The following CAMK2D variants were observed in gnomAD, a reference collection of about 807,000 sequenced individuals.
CAMK2D encodes the protein calcium/calmodulin-dependent protein kinase type II subunit delta.
In CAMK2D, 37 loss-of-function variants were observed where a neutral mutation model predicts 84.0. The ratio of observed to expected loss-of-function variants is 0.44; its 90% CI spans 0.34 to 0.58. The LOEUF is 0.58. Ranked by LOEUF, CAMK2D falls within the 20% of genes least tolerant of loss-of-function variation. The pLI, the probability that CAMK2D is intolerant of heterozygous loss-of-function variation, is 0.02. For synonymous variants in CAMK2D, 202 were observed against 212.5 expected (o/e 0.95, Z 0.43); for missense variants, 448 against 652.5 (o/e 0.69, Z 3.41).
chr4:113,650,040 C>T (rs1329849694), intron 3 of CAMK2D, among the ~76,000 whole-genome samples: 6 of 151,874 alleles, frequency 4.0e-5, no homozygotes, highest in African/African-American at 9.7e-5. Context: ...GAGCCAAGAT[C>T]GTGCCACTGC....
At chr4:113,756,749 A>T (rs572196320) in intron 2 of CAMK2D, among the ~76,000 whole-genome samples, 1 of 152,204 alleles carries the variant, frequency 6.6e-6, no homozygotes, top group African/African-American at 2.4e-5. Context: ...GTTACTCTGT[A>T]CTGAGCCCCT....
At chr4:113,719,762 T>C (rs2099524706) in intron 2 of CAMK2D, among the ~76,000 whole-genome samples, 1 of 152,172 alleles carries the variant, frequency 6.6e-6, no homozygotes, top group African/African-American at 2.4e-5. Flanking sequence ...CACATTTTAT[T>C]ATATGGGATC....
intron 3 of CAMK2D, among the ~76,000 whole-genome samples, chr4:113,622,091 A>G (rs1362413020): frequency 1.3e-5 from 2 of 152,208 alleles, no homozygotes; most frequent in Admixed American, 6.5e-5. Flanking sequence ...TTAACCTGAA[A>G]GACAAATTTC....
At chr4:113,647,264 C>T (rs1473455350) in intron 3 of CAMK2D, among the ~76,000 whole-genome samples, 5 of 152,184 alleles carry the variant, frequency 3.3e-5, no homozygotes, top group Non-Finnish European at 5.9e-5. Context: ...TCAGACTATG[C>T]TACCTTGGCT....
At chr4:113,459,270 G>A (rs2097342035) in intron 18 of CAMK2D, among the ~76,000 whole-genome samples, 1 of 152,226 alleles carries the variant, frequency 6.6e-6, no homozygotes, top group East Asian at 1.9e-4. Flanking sequence ...CCAGGCAGGA[G>A]TCCAGTGGCA....
chr4:113,642,730 CTTTTTCTTTTTTTT>C (rs1371618524), intron 3 of CAMK2D, among the ~76,000 whole-genome samples: 1 of 151,626 alleles, frequency 6.6e-6, no homozygotes. Context: ...TTCTTTTTTT[CTTTTTCTTTTTTTT>C]TTTTCAAGAT....
At chr4:113,582,306 G>T (rs1489926461) in intron 4 of CAMK2D, among the ~76,000 whole-genome samples, 1 of 152,128 alleles carries the variant, frequency 6.6e-6, no homozygotes, top group Non-Finnish European at 1.5e-5. Flanking sequence ...TAAACCATAA[G>T]ACAAATAAAA....
chr4:113,651,655 A>G (rs1241588094), intron 3 of CAMK2D, among the ~76,000 whole-genome samples: 4 of 152,178 alleles, frequency 2.6e-5, no homozygotes, highest in Non-Finnish European at 5.9e-5. Flanking sequence ...TTTTTCTACA[A>G]TGTAAAGCAG....
At chr4:113,690,968 T>C (rs1318233578) in intron 2 of CAMK2D, among the ~76,000 whole-genome samples, 2 of 152,212 alleles carry the variant, frequency 1.3e-5, no homozygotes, top group East Asian at 3.8e-4. Flanking sequence ...CCCAAAATGC[T>C]TAGACATAAA....
At chr4:113,675,165 T>G (rs1410621964) in intron 2 of CAMK2D, among the ~76,000 whole-genome samples, 1 of 152,200 alleles carries the variant, frequency 6.6e-6, no homozygotes. Flanking sequence ...AATATTGGCT[T>G]TAAAAATCTC....
chr4:113,755,089 G>T, intron 2 of CAMK2D: 4 of 984,010 alleles, frequency 4.1e-6, no homozygotes, highest in Non-Finnish European at 3.6e-6. Flanking sequence ...TTTCTTGACT[G>T]CCTGGAAGCC....
intron 2 of CAMK2D, among the ~76,000 whole-genome samples, chr4:113,682,359 T>C (rs1481434368): frequency 6.6e-6 from 1 of 152,070 alleles, no homozygotes; most frequent in East Asian, 1.9e-4. Context: ...CAAATTTTAA[T>C]TTATTAAAAA....
chr4:113,636,399 T>C (rs2099109934), intron 3 of CAMK2D, among the ~76,000 whole-genome samples: 1 of 152,228 alleles, frequency 6.6e-6, no homozygotes. Context: ...CTTTGGCCCT[T>C]GCAGTCCTCT....
At chr4:113,510,748 A>G (rs2098200775) in intron 12 of CAMK2D, among the ~76,000 whole-genome samples, 1 of 152,200 alleles carries the variant, frequency 6.6e-6, no homozygotes, top group Non-Finnish European at 1.5e-5. Flanking sequence ...ATAGAACTGC[A>G]TGAACATGTA....
intron 4 of CAMK2D, among the ~76,000 whole-genome samples, chr4:113,593,760 T>C (rs79003876): frequency 0.041 from 6,254 of 152,208 alleles, 358 homozygotes; most frequent in East Asian, 0.19. Flanking sequence ...AAATCCCCAA[T>C]TCTACCCAGC....
chr4:113,564,831 C>T lies in CAMK2D; in HGVS notation c.276-12735G>A, dbSNP rs189124156. ...ATTTATTCTTTTAACAAGTATATAC[C>T]AAGTGTCCATGTATTAGAGCCTATA... is the stretch of plus-strand genomic sequence containing the variant. On this transcript the variant is annotated intron_variant, in intron 4 of 20. Coordinates refer to ENST00000511664, the MANE Select transcript of CAMK2D (RefSeq NM_001321571.2). 2.0e-4 allele frequency among the ~76,000 whole-genome samples: 31 copies of T among 152,172 alleles called. No homozygotes were observed. In the East Asian group the frequency reaches 3.5e-3, roughly 17 times the overall value.
At chr4:113,481,437 A>G (rs1411748321) in intron 16 of CAMK2D, among the ~76,000 whole-genome samples, 1 of 152,168 alleles carries the variant, frequency 6.6e-6, no homozygotes, top group East Asian at 1.9e-4. Flanking sequence ...GAAAAGTAAA[A>G]CAGGAGAATG....
chr4:113,609,132 A>T lies in CAMK2D; in HGVS notation c.275+20T>A, dbSNP rs751850694. On this transcript the variant is annotated intron_variant, in intron 4 of 20. Coordinates refer to ENST00000511664, the MANE Select transcript of CAMK2D (RefSeq NM_001321571.2). ...CCTCAATTAGATTGCAAAAATAATG[A>T]ATACAGAGTATATACTTACAAATCA... 1.4e-6 allele frequency: 2 copies of T among 1,382,588 alleles called. No individual in the cohort carries two copies. Among genetic ancestry groups the T allele is most frequent in the South Asian group, 2.3e-5 (2 of 85,884 alleles). 85.6% of individuals were successfully genotyped at this position (1,382,588 alleles called of 1,614,324 possible). A position where few individuals can be genotyped will look rare whatever the true frequency, so the allele number is the denominator to read the frequency against.
chr4:113,483,318 G>A (rs1055535975), intron 16 of CAMK2D, among the ~76,000 whole-genome samples: 4 of 151,752 alleles, frequency 2.6e-5, no homozygotes, highest in African/African-American at 9.7e-5. Flanking sequence ...TTCAAATAGA[G>A]GTCTCTTTGT....
Sources: gnomAD v4.1 joint callset for allele counts (sites outside exome capture counted in the v4.1 genomes callset) on GRCh38, gnomAD v4.1.1 for gene constraint, MANE v1.5 for transcripts, NCBI Gene and HGNC (gene_info 2026-07-23, HGNC 2026-07-21) for gene names.